Variants in SYPL1 observed in about 807,000 individuals in gnomAD.
SYPL1 encodes synaptophysin like 1, also known as synaptophysin-like protein 1.
A neutral mutation model predicts 23.7 loss-of-function variants in SYPL1; 6 were observed. That is an observed-to-expected ratio of 0.25 (90% CI 0.14 to 0.50). SYPL1 has a LOEUF of 0.50. Ranked by LOEUF, SYPL1 falls within the 20% of genes least tolerant of loss-of-function variation. SYPL1 has a pLI of 0.98. For synonymous variants in SYPL1, 102 were observed against 104.5 expected, an observed-to-expected ratio of 0.98 and a Z score of 0.15; for missense variants, 253 against 288.9, an observed-to-expected ratio of 0.88 and a Z score of 0.90.
intron 1 of SYPL1, among the ~76,000 whole-genome samples, chr7:106,106,810 C>T (rs924815066): frequency 2.0e-5 from 3 of 152,104 alleles, no homozygotes; most frequent in Admixed American, 1.3e-4. Flanking sequence ...CGTGCCACTG[C>T]ACTCCAGCCT....
rs895237981 is a variant in SYPL1, at chr7:106,100,352, T to C, written c.70-1070A>G. Among the ~76,000 whole-genome samples, 2 of 152,208 alleles carry C rather than the reference T, an allele frequency of 1.3e-5. No individual in the cohort carries two copies. The highest frequency in any genetic ancestry group is 2.4e-5 in the African/African-American group (1 of 41,440). On this transcript the variant is annotated intron_variant, in intron 1 of 4. Transcript: ENST00000455385. This position sits in a 1 kb window ranked among gnomAD's most constrained non-coding sequence, Gnocchi z 5.1. ...CATTCATTCATGCAATGAAACATTATATAGCTGTTGGAAATTAACAACATA... is the reference window on the plus strand; with the variant it reads ...CATTCATTCATGCAATGAAACATTACATAGCTGTTGGAAATTAACAACATA...
rs1790204634 is a variant in SYPL1 at position 106,112,254 on chromosome 7, G to A, written c.-46C>T. 8 of 1,514,506 alleles carry A rather than the reference G, an allele frequency of 5.3e-6. No homozygotes were observed. Among genetic ancestry groups the A allele is most frequent in the Non-Finnish European group, 7.1e-6 (8 of 1,121,268 alleles). The allele number at this position is 1,514,506 out of a possible 1,614,324, so 93.8% of individuals were successfully genotyped here. A position where few individuals can be genotyped will look rare whatever the true frequency, so the allele number is the denominator to read the frequency against. ...AGAGAGTCAGGACGACGGGGCGGAGGAGGGGACCGACGAGACCAGAGCAGC... is the reference window on the plus strand; with the variant it reads ...AGAGAGTCAGGACGACGGGGCGGAGAAGGGGACCGACGAGACCAGAGCAGC... On this transcript the variant is annotated 5_prime_UTR_variant, in exon 1 of 5. Transcript: ENST00000455385.
At chr7:106,112,574 C>G, upstream of SYPL1, 1 of 1,485,394 alleles carries the variant, frequency 6.7e-7, no homozygotes, top group Non-Finnish European at 8.9e-7. Context: ...GCCCCTGGCA[C>G]TCGGTCTTCC....
chr7:106,111,723 G>C (rs1790158317), intron 1 of SYPL1: 1 of 153,460 alleles, frequency 6.5e-6, no homozygotes. Context: ...ACCTCGAGTG[G>C]GCACCGGCAG....
Position 106,097,762 on chromosome 7 carries a change from G to A in SYPL1, c.330C>T (p.Tyr110=), listed in dbSNP as rs376864285. Residue 110 remains tyrosine, a synonymous_variant, in exon 3 of 5, where the codon TAC becomes TAT. Transcript: ENST00000455385. This position sits in a 1 kb window ranked among gnomAD's most constrained non-coding sequence, Gnocchi z 4.6. ...YVTFAVFVFL[Y]CIAALLLYVG... The stretch of plus-strand genomic sequence containing the variant: ...CATAAAGCAGAAGGGCAGCAATGCA[G>A]TACAGGAACACAAAGACTGCAAAGG... The A allele has an allele frequency of 3.5e-5, 57 of 1,613,956 alleles. 1 individual carries two copies. The highest frequency in any genetic ancestry group is 4.4e-5 in the Non-Finnish European group (52 of 1,179,970).
chr7:106,105,679 A>C (rs1016970425), intron 1 of SYPL1, among the ~76,000 whole-genome samples: 5 of 152,154 alleles, frequency 3.3e-5, no homozygotes, highest in Admixed American at 2.6e-4. Context: ...AAGGAATTGA[A>C]GCTTTATTGC....
At chr7:106,108,455 C>G (rs148627608) in intron 1 of SYPL1, among the ~76,000 whole-genome samples, 1 of 152,050 alleles carries the variant, frequency 6.6e-6, no homozygotes, top group Non-Finnish European at 1.5e-5. Flanking sequence ...TGCTTCTATC[C>G]CTGTCTAGCG....
chr7:106,109,162 TAA>T lies in SYPL1; in HGVS notation c.69+2976_69+2977del, dbSNP rs1790016504. Reference sequence around the variant, plus strand: ...AGTAGGATAAAATGGGAAATGCAAATAAAGACTTTTGTTGCATACCAAATACA... The same window carrying T: ...AGTAGGATAAAATGGGAAATGCAAATAGACTTTTGTTGCATACCAAATACA... On this transcript the variant is annotated intron_variant, in intron 1 of 4. Coordinates refer to ENST00000455385, the MANE Select transcript of SYPL1 (RefSeq NM_182715.4). The surrounding 1 kb of genome is among the most constrained non-coding windows in gnomAD (Gnocchi z 4.3). Among the ~76,000 whole-genome samples, 1 of 152,224 alleles carries T rather than the reference TAA, an allele frequency of 6.6e-6. No individual in the cohort carries two copies. Among genetic ancestry groups the T allele is most frequent in the Non-Finnish European group, 1.5e-5 (1 of 68,020 alleles).
At chr7:106,112,315 T>C, upstream of SYPL1, 1 of 902,864 alleles carries the variant, frequency 1.1e-6, no homozygotes, top group Non-Finnish European at 1.4e-6. Flanking sequence ...GCTGGCGCGC[T>C]GGCCGGGCTC....
At chr7:106,103,671 G>C (rs1199777831) in intron 1 of SYPL1, among the ~76,000 whole-genome samples, 2 of 152,176 alleles carry the variant, frequency 1.3e-5, no homozygotes, top group Non-Finnish European at 2.9e-5. Flanking sequence ...AATCTGGATA[G>C]ATTGGGTTAA....
At chr7:106,099,376 T>G (rs1275637335) in intron 1 of SYPL1, 94 bp from the exon 2 acceptor site, 1 of 1,391,136 alleles carries the variant, frequency 7.2e-7, no homozygotes, top group Non-Finnish European at 9.7e-7. Flanking sequence ...GCACACTGAT[T>G]ATTAAAAATT....
intron 1 of SYPL1, among the ~76,000 whole-genome samples, chr7:106,101,437 C>A: frequency 1.8e-4 from 1 of 5,484 alleles, no homozygotes; most frequent in South Asian, 5.3e-3. Context: ...TTTTCCCATC[C>A]GCCCCCCCCC....
rs1302046027 is a variant in SYPL1 at position 106,099,175 on chromosome 7, A to C, written c.177T>G (p.Thr59=). 1 of 1,611,754 alleles carries C rather than the reference A, an allele frequency of 6.2e-7. No individual in the cohort carries two copies. The highest frequency in any genetic ancestry group is 1.3e-5 in the African/African-American group (1 of 74,776). The change falls in exon 2 of 5, where the codon ACT becomes ACG. Residue 59 remains threonine, a synonymous_variant. Transcript: ENST00000455385. The stretch of plus-strand genomic sequence containing the variant: ...TAACTCACCTGAATGGATAACCAAA[A>C]GTAGCTGTAACAGTTTTATTCTCAG... The part of the protein sequence containing the change: ...AVTENKTVTA[T]FGYPFRLNEA...
rs1433589879 is a variant in SYPL1, at chr7:106,097,783, A to G, written c.309T>C (p.Phe103=). The G allele has an allele frequency of 1.2e-6, 2 of 1,614,134 alleles. No homozygotes were observed. Among genetic ancestry groups the G allele is most frequent in the Non-Finnish European group, 1.7e-6 (2 of 1,179,978 alleles). ...YSSSAQFYVT[F]AVFVFLYCIA... is the part of the protein sequence containing the mutation. ...TGCAGTACAGGAACACAAAGACTGCAAAGGTAACATAGAATTGTGCAGAAG... is the reference window on the plus strand; with the variant it reads ...TGCAGTACAGGAACACAAAGACTGCGAAGGTAACATAGAATTGTGCAGAAG... The change falls in exon 3 of 5, where the codon TTT becomes TTC. Residue 103 remains phenylalanine, a synonymous_variant. Transcript: ENST00000455385. The surrounding 1 kb of genome is among the most constrained non-coding windows in gnomAD (Gnocchi z 4.6).
intron 1 of SYPL1, among the ~76,000 whole-genome samples, chr7:106,111,402 C>T (rs1030846370): frequency 1.2e-4 from 18 of 152,178 alleles, no homozygotes; most frequent in African/African-American, 4.3e-4. Flanking sequence ...TGATCATTGC[C>T]AAGGTCGAAT....
chr7:106,108,843 G>A (rs1487298520), intron 1 of SYPL1, among the ~76,000 whole-genome samples: 1 of 152,084 alleles, frequency 6.6e-6, no homozygotes, highest in Non-Finnish European at 1.5e-5. Context: ...AGCTCCCAAG[G>A]CTCTTTCAGG....
At chr7:106,112,112 G>T in intron 1 of SYPL1, 28 bp downstream of exon 1, 1 of 1,418,800 alleles carries the variant, frequency 7.0e-7, no homozygotes, top group Non-Finnish European at 9.4e-7. Flanking sequence ...AGCGGCAGGC[G>T]GGCCTGGCCG....
chr7:106,105,055 CAGAG>C (rs1362641590), intron 1 of SYPL1, among the ~76,000 whole-genome samples: 4 of 152,122 alleles, frequency 2.6e-5, no homozygotes, highest in African/African-American at 9.7e-5. Context: ...AAGCAACAAT[CAGAG>C]AGAACTGAGT....
In SYPL1 at chr7:106,103,411, T is replaced by C. The variant is rs368154167; in HGVS notation, c.70-4129A>G. Among the ~76,000 whole-genome samples, 163 of 152,342 alleles carry C rather than the reference T, an allele frequency of 1.1e-3. 3 individuals carry two copies. The South Asian group carries it at 0.029, about 27-fold the overall frequency. ...TTGTTCAGGCCCTCACCATTTTTCA[T>C]TGGGACTAACCCAGCAGACTCTTTC... On this transcript the variant is annotated intron_variant, in intron 1 of 4. Transcript: ENST00000455385.
Sources: allele counts gnomAD v4.1 joint callset (sites outside exome capture counted in the v4.1 genomes callset), GRCh38; gene constraint gnomAD v4.1.1; non-coding constraint Gnocchi (gnomAD v3.1); transcripts MANE v1.5; gene names NCBI Gene and HGNC (gene_info 2026-07-23, HGNC 2026-07-21).